Variants in SLC4A10 observed in about 807,000 individuals in gnomAD.
The protein encoded by SLC4A10 is solute carrier family 4 member 10.
A neutral mutation model predicts 137.7 loss-of-function variants in SLC4A10; 42 were observed. That is an observed-to-expected ratio of 0.30 (90% CI 0.24 to 0.39). The LOEUF is 0.39. Ranked by LOEUF, SLC4A10 falls within the 10% of genes least tolerant of loss-of-function variation. SLC4A10 has a pLI of 1.00. For synonymous variants in SLC4A10, 474 were observed against 464.1 expected (o/e 1.02, Z -0.27); for missense variants, 925 against 1,355.0 (o/e 0.68, Z 4.98).
chr2:161,924,210 G>T (rs1240447381), intron 15 of SLC4A10, among the ~76,000 whole-genome samples: 1 of 151,272 alleles, frequency 6.6e-6, no homozygotes, highest in African/African-American at 2.4e-5. Flanking sequence ...TGTAGTTTTA[G>T]AAATAAGTTC....
intron 1 of SLC4A10, among the ~76,000 whole-genome samples, chr2:161,667,271 C>G (rs2039155448): frequency 6.6e-6 from 1 of 151,508 alleles, no homozygotes; most frequent in Admixed American, 6.6e-5. Flanking sequence ...GTTATTTTAG[C>G]AAATATTTGA....
intron 1 of SLC4A10, among the ~76,000 whole-genome samples, chr2:161,655,482 T>A (rs1453339954): frequency 2.0e-5 from 3 of 152,222 alleles, no homozygotes; most frequent in Admixed American, 6.5e-5. Context: ...TTGACCATGA[T>A]GTTAGCTGTG....
intron 1 of SLC4A10, among the ~76,000 whole-genome samples, chr2:161,652,329 T>A (rs2036916090): frequency 6.6e-6 from 1 of 152,236 alleles, no homozygotes; most frequent in Non-Finnish European, 1.5e-5. Context: ...GTCAATACTA[T>A]GTTATTTATT....
At chr2:161,737,900 A>G (rs901858172) in intron 1 of SLC4A10, among the ~76,000 whole-genome samples, 2 of 152,224 alleles carry the variant, frequency 1.3e-5, no homozygotes, top group Non-Finnish European at 2.9e-5. Flanking sequence ...CACGAAAAAC[A>G]TGAATTTCTG....
chr2:161,640,844 A>G (rs1347279061), intron 1 of SLC4A10, among the ~76,000 whole-genome samples: 1 of 152,036 alleles, frequency 6.6e-6, no homozygotes, highest in African/African-American at 2.4e-5. Context: ...ATTTTCTTTA[A>G]AAATCACAGC....
At chr2:161,675,566 A>G (rs1301991380) in intron 1 of SLC4A10, among the ~76,000 whole-genome samples, 3 of 152,190 alleles carry the variant, frequency 2.0e-5, no homozygotes, top group Non-Finnish European at 4.4e-5. Context: ...TAACCATATG[A>G]CTTTATGCAA....
intron 23 of SLC4A10, among the ~76,000 whole-genome samples, chr2:161,966,217 T>C (rs1697551454): frequency 6.6e-6 from 1 of 152,160 alleles, no homozygotes; most frequent in Non-Finnish European, 1.5e-5. Context: ...TAATTGGTAA[T>C]TCCCTTACTC....
At chr2:161,898,021 C>T (rs1268918399) in intron 11 of SLC4A10, among the ~76,000 whole-genome samples, 1 of 152,004 alleles carries the variant, frequency 6.6e-6, no homozygotes, top group African/African-American at 2.4e-5. Flanking sequence ...CCTTTAAAAT[C>T]GAATTAATTA....
At chr2:161,680,778 G>T (rs1282770909) in intron 1 of SLC4A10, among the ~76,000 whole-genome samples, 1 of 151,974 alleles carries the variant, frequency 6.6e-6, no homozygotes, top group Non-Finnish European at 1.5e-5. Context: ...TATACATTAT[G>T]AAATGAATAA....
chr2:161,784,064 A>C (rs1414780006), intron 2 of SLC4A10, among the ~76,000 whole-genome samples: 2 of 151,908 alleles, frequency 1.3e-5, no homozygotes, highest in East Asian at 3.9e-4. Flanking sequence ...GAAAATGTTA[A>C]TGAAAAACGA....
At chr2:161,742,931 A>G (rs2048061490) in intron 1 of SLC4A10, among the ~76,000 whole-genome samples, 1 of 151,986 alleles carries the variant, frequency 6.6e-6, no homozygotes, top group East Asian at 1.9e-4. Flanking sequence ...AGAAATGTCT[A>G]CTTAGATCTT....
At chr2:161,894,446 C>T (rs2063236263) in intron 10 of SLC4A10, among the ~76,000 whole-genome samples, 1 of 151,864 alleles carries the variant, frequency 6.6e-6, no homozygotes, top group Admixed American at 6.6e-5. Flanking sequence ...TTCCCTTACT[C>T]CTTCCCTCTA....
At chr2:161,952,769 G>T (rs1258225201) in intron 19 of SLC4A10, among the ~76,000 whole-genome samples, 1 of 152,044 alleles carries the variant, frequency 6.6e-6, no homozygotes, top group Non-Finnish European at 1.5e-5. Context: ...AACCCCTATT[G>T]GGCCTATAAC....
rs1324919673 is a variant in SLC4A10, at chr2:161,964,208, C to T, written c.2936C>T (p.Pro979Leu). 1.2e-6 allele frequency: 2 copies of T among 1,613,422 alleles called. No homozygotes were observed. The highest frequency in any genetic ancestry group is 1.1e-5 in the South Asian group (1 of 91,030). Residue 979 changes from proline (P) to leucine (L), a missense_variant, in exon 22 of 27, where the codon CCG becomes CTG. By Grantham distance (98) the Pro-to-Leu change is moderately conservative. Transcript: ENST00000446997. ...QPDFIYLRHV[P>L]LRKVHLFTII... ...GATTTTATATACCTAAGGCACGTAC[C>T]GCTTCGAAAAGTGCATCTCTTCACA...
intron 1 of SLC4A10, among the ~76,000 whole-genome samples, chr2:161,738,386 C>A (rs1468535076): frequency 2.0e-5 from 3 of 152,182 alleles, no homozygotes; most frequent in Non-Finnish European, 2.9e-5. Context: ...GAGACTCCAG[C>A]ACTGTCTCAT....
At chr2:161,887,297 G>A (rs2062417506) in intron 10 of SLC4A10, among the ~76,000 whole-genome samples, 1 of 152,098 alleles carries the variant, frequency 6.6e-6, no homozygotes, top group African/African-American at 2.4e-5. Context: ...TATCTTTATA[G>A]TAGAATGATT....
chr2:161,853,943 C>G (rs2059964909), intron 4 of SLC4A10, among the ~76,000 whole-genome samples: 1 of 152,120 alleles, frequency 6.6e-6, no homozygotes, highest in South Asian at 2.1e-4. Flanking sequence ...GGCTAATCCA[C>G]TTGATTCCCT....
At chr2:161,767,845 C>T (rs1372331697) in intron 1 of SLC4A10, among the ~76,000 whole-genome samples, 3 of 151,980 alleles carry the variant, frequency 2.0e-5, no homozygotes, top group African/African-American at 4.8e-5. Context: ...AACAAGGCCA[C>T]CTAGTAGAAG....
intron 3 of SLC4A10, among the ~76,000 whole-genome samples, chr2:161,833,770 T>C (rs1369453160): frequency 6.6e-6 from 1 of 152,222 alleles, no homozygotes; most frequent in African/African-American, 2.4e-5. Flanking sequence ...TGGCTGATAA[T>C]CAAGGTATGT....
Sources: allele counts gnomAD v4.1 joint callset (sites outside exome capture counted in the v4.1 genomes callset), GRCh38; gene constraint gnomAD v4.1.1; transcripts MANE v1.5; gene names NCBI Gene and HGNC (gene_info 2026-07-23, HGNC 2026-07-21).